INAVA: variants seen among roughly 807,000 people sequenced by gnomAD.
INAVA encodes the protein innate immunity activator protein.
In INAVA, 32 loss-of-function variants were observed where a neutral mutation model predicts 55.3. The observed-to-expected ratio is 0.58, with a 90% CI of 0.44 to 0.78. The LOEUF is 0.78. Among genes scored for constraint, INAVA ranks in the 30% least tolerant of loss-of-function variants. INAVA has a pLI of 0.00. For synonymous variants in INAVA, 294 were observed against 329.4 expected, an observed-to-expected ratio of 0.89 and a Z score of 1.16; for missense variants, 756 against 786.4, an observed-to-expected ratio of 0.96 and a Z score of 0.46.
At chr1:200,907,731 C>G (rs1263210538) in intron 5 of INAVA, 103 bp from the exon 6 acceptor site, 1 of 835,556 alleles carries the variant, frequency 1.2e-6, no homozygotes, top group Non-Finnish European at 2.0e-6. Flanking sequence ...TGATGCTGTC[C>G]TGGGGGAGTG....
chr1:200,907,757 C>A, intron 5 of INAVA, 77 bp from the exon 6 acceptor site: 1 of 1,249,186 alleles, frequency 8.0e-7, no homozygotes, highest in Non-Finnish European at 1.2e-6. Flanking sequence ...GCCTGAGCTG[C>A]TCAGCACTGC....
In INAVA at chr1:200,908,933, G is replaced by C; in HGVS notation, c.778G>C (p.Glu260Gln). 1.2e-6 allele frequency: 2 copies of C among 1,612,550 alleles called. No homozygotes were observed. The highest frequency in any genetic ancestry group is 2.7e-5 in the African/African-American group (2 of 74,968). Residue 260 changes from glutamate to glutamine, a missense_variant, in exon 7 of 10, where the codon GAG becomes CAG. Around this residue, in one of 2 missense-constraint regions of INAVA, gnomAD observed 639 missense variants for 624.3 expected, o/e 1.02. Transcript: ENST00000413687. The part of the protein sequence containing the change: ...KPRKSSEPWS[E>Q]SSSPATTPQD... ...CAGGAAGTCTTCTGAGCCCTGGAGC[G>C]AGTCCAGGTCAGGATCAGGGGGAAG...
intron 7 of INAVA, 38 bp downstream of exon 7, chr1:200,908,978 C>A: frequency 1.3e-6 from 2 of 1,583,936 alleles, no homozygotes. Flanking sequence ...CAGGGCAGGG[C>A]AGGGAGTCGG....
At chr1:200,907,336 C>G (rs1318857781) in intron 5 of INAVA, among the ~76,000 whole-genome samples, 1 of 152,070 alleles carries the variant, frequency 6.6e-6, no homozygotes, top group Non-Finnish European at 1.5e-5. Context: ...GCTCTGCCTT[C>G]TATTTTTTTC....
At position 200,913,537 on chromosome 1, in the gene INAVA, G is replaced by A. The variant is rs567854316; in HGVS notation, c.1645G>A (p.Val549Met). Residue 549 changes from valine to methionine, a missense_variant and splice_region_variant, in exon 10 of 10, where the codon GTG (valine) becomes ATG (methionine). Around this residue, in one of 2 missense-constraint regions of INAVA, gnomAD observed 117 missense variants for 162.1 expected, o/e 0.72. Transcript: ENST00000413687. ...FGRALGPRAQ[V>M]PTVCVLRRSP... Reference sequence around the variant, plus strand: ...TGTCCTTTCTTCCTGACCCTGGCAGGTGCCCACAGTTTGTGTGCTGCGGAG... The same window carrying A: ...TGTCCTTTCTTCCTGACCCTGGCAGATGCCCACAGTTTGTGTGCTGCGGAG... The A allele has an allele frequency of 6.8e-6, 11 of 1,613,752 alleles. 1 individual carries two copies. The South Asian group carries it at 9.9e-5, about 14-fold the overall frequency.
intron 4 of INAVA, 66 bp downstream of exon 4, chr1:200,900,286 C>A (rs912263523): frequency 6.5e-6 from 9 of 1,395,212 alleles, no homozygotes; most frequent in Non-Finnish European, 6.1e-6. Flanking sequence ...GACGCCACAC[C>A]TCAGCTCAGT....
At chr1:200,898,254 C>G in intron 1 of INAVA, 53 bp from the exon 2 acceptor site, 1 of 1,577,986 alleles carries the variant, frequency 6.3e-7, no homozygotes, top group South Asian at 1.2e-5. Context: ...CTTTTTGTAA[C>G]CAAGATGGTT....
chr1:200,893,603 G>T (rs867402963), upstream of INAVA, among the ~76,000 whole-genome samples: 1 of 152,190 alleles, frequency 6.6e-6, no homozygotes, highest in African/African-American at 2.4e-5. Flanking sequence ...TGGGGCGGGG[G>T]GAGGAAGAAC....
At position 200,911,714 on chromosome 1, in the gene INAVA, C is replaced by T. The variant is rs1230294916; in HGVS notation, c.1221C>T (p.Arg407=). The T allele has an allele frequency of 1.9e-6, 3 of 1,613,300 alleles. No individual in the cohort carries two copies. Among genetic ancestry groups the T allele is most frequent in the South Asian group, 1.1e-5 (1 of 91,036 alleles). The stretch of plus-strand genomic sequence containing the variant: ...CCCCTCCCAAGACCCATCGTCACCG[C>T]GGGGCCTGGGTCCCAGCCGGCAGCA... The part of the protein sequence containing the change: ...PLSPPKTHRH[R]GAWVPAGSRE... The change falls in exon 9 of 10, where the codon CGC becomes CGT. Residue 407 remains arginine (R), a synonymous_variant. Coordinates refer to ENST00000413687, the MANE Select transcript of INAVA (RefSeq NM_001142569.3).
intron 8 of INAVA, among the ~76,000 whole-genome samples, chr1:200,909,862 C>T (rs1243095711): frequency 3.9e-5 from 6 of 152,148 alleles, no homozygotes; most frequent in Non-Finnish European, 5.9e-5. Context: ...CCTTTGGTCA[C>T]GACATTTTGC....
At position 200,900,343 on chromosome 1, in the gene INAVA, TG is replaced by T. The variant is rs1420531825; in HGVS notation, c.297+125del. 8 of 825,826 alleles carry T rather than the reference TG, an allele frequency of 9.7e-6. No individual in the cohort carries two copies. The East Asian group carries it at 2.1e-4, about 21-fold the overall frequency. 51.2% of individuals were successfully genotyped at this position (825,826 alleles called of 1,614,324 possible). A position where few individuals can be genotyped will look rare whatever the true frequency, so the allele number is the denominator to read the frequency against. ...CCCTTTCACACCCAGTGAGGGTGCTTGGCTGCCTGTTGGTGAGAGACACCAT... is the reference window on the plus strand; with the variant it reads ...CCCTTTCACACCCAGTGAGGGTGCTTGCTGCCTGTTGGTGAGAGACACCAT... On this transcript the variant is annotated intron_variant, in intron 4 of 9. Coordinates refer to ENST00000413687, the MANE Select transcript of INAVA (RefSeq NM_001142569.3).
At chr1:200,909,064 C>T (rs1203322978) in intron 7 of INAVA, 124 bp downstream of exon 7, 8 of 1,296,276 alleles carry the variant, frequency 6.2e-6, no homozygotes, top group Admixed American at 2.7e-5. Flanking sequence ...CTCCTGCAGT[C>T]GTGGGATGGA....
intron 5 of INAVA, among the ~76,000 whole-genome samples, chr1:200,903,634 A>G (rs767192956): frequency 1.2e-4 from 18 of 151,024 alleles, no homozygotes; most frequent in Admixed American, 4.6e-4. Context: ...GAGAAACCCC[A>G]TCTCTACTAA....
chr1:200,891,577 G>C (rs989078932), upstream of INAVA: 3 of 1,595,490 alleles, frequency 1.9e-6, no homozygotes, highest in African/African-American at 4.1e-5. Flanking sequence ...AATACCTCCG[G>C]GGAGGGCAGG....
At chr1:200,907,758 T>C (rs2102312321) in intron 5 of INAVA, 76 bp from the exon 6 acceptor site, 2 of 1,257,412 alleles carry the variant, frequency 1.6e-6, no homozygotes, top group South Asian at 1.2e-5. Context: ...CCTGAGCTGC[T>C]CAGCACTGCT....
chr1:200,908,315 G>T (rs906291722), intron 6 of INAVA, among the ~76,000 whole-genome samples: 2 of 152,208 alleles, frequency 1.3e-5, no homozygotes, highest in Admixed American at 6.5e-5. Context: ...AGGATGCCAG[G>T]GTCAAGGTGG....
chr1:200,899,633 C>T, intron 3 of INAVA, 36 bp downstream of exon 3: 2 of 1,606,860 alleles, frequency 1.2e-6, no homozygotes, highest in Non-Finnish European at 1.7e-6. Flanking sequence ...GCATCGGGTT[C>T]ATCTCAGGAG....
chr1:200,911,853 C>G lies in INAVA; in HGVS notation c.1360C>G (p.Arg454Gly), dbSNP rs760459328. 18 of 1,593,424 alleles carry G rather than the reference C, an allele frequency of 1.1e-5. No homozygotes were observed. The highest frequency in any genetic ancestry group is 1.5e-5 in the Non-Finnish European group (18 of 1,175,826). ...PLPPGEWELR[R>G]AAPGPAYEEE... ...GCCGCCTGGCGAGTGGGAGCTGCGCCGCGCAGCCCCGGGCCCTGCTTACGA... is the reference window on the plus strand; with the variant it reads ...GCCGCCTGGCGAGTGGGAGCTGCGCGGCGCAGCCCCGGGCCCTGCTTACGA... The change falls in exon 9 of 10, where the codon CGC (arginine) becomes GGC (glycine). Residue 454 changes from arginine to glycine, a missense_variant. By Grantham distance (125) the Arg-to-Gly change is moderately radical. Transcript: ENST00000413687.
chr1:200,913,509 A>G (rs1653830837), intron 9 of INAVA, 28 bp from the exon 10 acceptor site: 1 of 1,599,300 alleles, frequency 6.3e-7, no homozygotes, highest in Non-Finnish European at 8.6e-7. Context: ...TCATTTACCC[A>G]CCTGTCCTTT....
Sources: allele counts gnomAD v4.1 joint callset (sites outside exome capture counted in the v4.1 genomes callset), GRCh38; gene constraint gnomAD v4.1.1; regional missense constraint gnomAD v4.1.1; transcripts MANE v1.5; gene names NCBI Gene and HGNC (gene_info 2026-07-23, HGNC 2026-07-21).